The following SECISBP2L variants were observed in gnomAD, a reference collection of about 807,000 sequenced individuals.
The protein encoded by SECISBP2L is selenocysteine insertion sequence-binding protein 2-like.
In SECISBP2L, 43 loss-of-function variants were observed where a neutral mutation model predicts 114.7. The ratio of observed to expected loss-of-function variants is 0.38; its 90% CI spans 0.29 to 0.48. SECISBP2L has a LOEUF of 0.48. Among genes scored for constraint, SECISBP2L ranks in the 20% least tolerant of loss-of-function variants. The pLI is 0.98. For synonymous variants in SECISBP2L, 451 were observed against 439.7 expected (o/e 1.03, Z -0.32); for missense variants, 1,136 against 1,301.1 (o/e 0.87, Z 1.95).
At chr15:49,041,764 C>T (rs1903136131) in intron 1 of SECISBP2L, among the ~76,000 whole-genome samples, 1 of 152,164 alleles carries the variant, frequency 6.6e-6, no homozygotes, top group African/African-American at 2.4e-5. Context: ...GGAAACCCTC[C>T]ATATTCTTTC....
chr15:49,036,776 A>G (rs1903016853), intron 2 of SECISBP2L, among the ~76,000 whole-genome samples: 1 of 152,202 alleles, frequency 6.6e-6, no homozygotes, highest in African/African-American at 2.4e-5. Flanking sequence ...ATACATCCAC[A>G]ATTTCTCAAA....
intron 7 of SECISBP2L, among the ~76,000 whole-genome samples, chr15:49,024,799 C>T (rs989562158): frequency 1.3e-5 from 2 of 152,092 alleles, no homozygotes; most frequent in African/African-American, 4.8e-5. Context: ...AATCAAAAAT[C>T]AAACAAATAC....
intron 1 of SECISBP2L, among the ~76,000 whole-genome samples, chr15:49,045,396 G>T (rs1903224836): frequency 6.6e-6 from 1 of 152,186 alleles, no homozygotes; most frequent in Non-Finnish European, 1.5e-5. Flanking sequence ...CCGTCATCTA[G>T]TCATCAATGG....
Position 48,993,060 on chromosome 15 carries a change from C to T in SECISBP2L, c.2624-134G>A, listed in dbSNP as rs1902017923. On this transcript the variant is annotated intron_variant, in intron 17 of 17. Transcript: ENST00000559471. ...GCTTAGAAACTGACTGGAAAAACTACAAATTTAGTTTATTTAGTACTAGTT... is the reference window on the plus strand; with the variant it reads ...GCTTAGAAACTGACTGGAAAAACTATAAATTTAGTTTATTTAGTACTAGTT... The T allele has an allele frequency of 4.0e-6, 3 of 742,100 alleles. No homozygotes were observed. The East Asian group carries it at 8.0e-5, about 20-fold the overall frequency. 46.0% of individuals were successfully genotyped at this position (742,100 alleles called of 1,614,324 possible).
intron 4 of SECISBP2L, among the ~76,000 whole-genome samples, chr15:49,029,984 C>T (rs1323507727): frequency 6.7e-6 from 1 of 149,638 alleles, no homozygotes; most frequent in African/African-American, 2.5e-5. Context: ...CTGACTTCTG[C>T]CATTTTTCAA....
intron 15 of SECISBP2L, among the ~76,000 whole-genome samples, chr15:49,000,334 G>C (rs555185590): frequency 1.3e-5 from 2 of 152,254 alleles, no homozygotes; most frequent in East Asian, 3.9e-4. Context: ...CTCAAGAAAA[G>C]ATCTCTCACA....
At position 49,046,373 on chromosome 15, in the gene SECISBP2L, C is replaced by A; in HGVS notation, c.-74G>T. On this transcript the variant is annotated 5_prime_UTR_variant, in exon 1 of 18. Transcript: ENST00000559471. ...TCGGGCCGCTTTCTCCATGGCCCCCCGCTCGGGTCCAGACTGGGTTCCGGA... is the reference window on the plus strand; with the variant it reads ...TCGGGCCGCTTTCTCCATGGCCCCCAGCTCGGGTCCAGACTGGGTTCCGGA... 2.2e-6 allele frequency: 3 copies of A among 1,392,300 alleles called. No homozygotes were observed. The highest frequency in any genetic ancestry group is 6.0e-5 in the East Asian group (2 of 33,064). The allele number at this position is 1,392,300 out of a possible 1,614,324, so 86.2% of individuals were successfully genotyped here. A position where few individuals can be genotyped will look rare whatever the true frequency, so the allele number is the denominator to read the frequency against.
At chr15:48,997,104 T>C (rs1440408149) in intron 16 of SECISBP2L, among the ~76,000 whole-genome samples, 1 of 152,188 alleles carries the variant, frequency 6.6e-6, no homozygotes, top group African/African-American at 2.4e-5. Flanking sequence ...GCATTGGCCT[T>C]GAAAAAGGTA....
intron 13 of SECISBP2L, among the ~76,000 whole-genome samples, chr15:49,009,992 G>C: frequency 6.6e-6 from 1 of 152,044 alleles, no homozygotes; most frequent in Non-Finnish European, 1.5e-5. Flanking sequence ...AATTAGCCGG[G>C]CGTGGTGGCA....
chr15:49,011,666 CT>C, intron 13 of SECISBP2L, 64 bp downstream of exon 13: 1 of 1,569,764 alleles, frequency 6.4e-7, no homozygotes, highest in Admixed American at 1.8e-5. Flanking sequence ...CTAGTGATAG[CT>C]TACGTATCTA....
chr15:49,020,979 A>C (rs946577812), intron 7 of SECISBP2L, among the ~76,000 whole-genome samples: 1 of 152,204 alleles, frequency 6.6e-6, no homozygotes, highest in African/African-American at 2.4e-5. Context: ...TATGGACTAA[A>C]ATGTTTCCAT....
chr15:49,001,327 TC>T (rs1407980746), intron 14 of SECISBP2L, among the ~76,000 whole-genome samples: 2 of 152,230 alleles, frequency 1.3e-5, no homozygotes, highest in Non-Finnish European at 2.9e-5. Context: ...TTTTAAGTAT[TC>T]AACAAATGCT....
At chr15:49,045,663 T>C (rs886431266) in intron 1 of SECISBP2L, among the ~76,000 whole-genome samples, 2 of 152,144 alleles carry the variant, frequency 1.3e-5, no homozygotes, top group African/African-American at 4.8e-5. Flanking sequence ...GCTTATGCTT[T>C]ACACCCTTAA....
intron 16 of SECISBP2L, among the ~76,000 whole-genome samples, chr15:48,996,899 C>G (rs1902103840): frequency 6.6e-6 from 1 of 152,162 alleles, no homozygotes; most frequent in African/African-American, 2.4e-5. Context: ...ACAGAGGGTA[C>G]AAAGATGACT....
At chr15:49,017,042 G>A in intron 9 of SECISBP2L, 27 bp from the exon 10 acceptor site, 1 of 1,602,688 alleles carries the variant, frequency 6.2e-7, no homozygotes, top group Middle Eastern at 1.7e-4. Context: ...AAACACATTT[G>A]TTAGTGATCC....
intron 1 of SECISBP2L, among the ~76,000 whole-genome samples, chr15:49,041,796 T>C (rs1187901427): frequency 6.6e-6 from 1 of 152,200 alleles, no homozygotes; most frequent in Non-Finnish European, 1.5e-5. Context: ...AAAAATAGAA[T>C]ATCTCAAACT....
rs1215694949 is a variant in SECISBP2L, at chr15:48,996,479, C to T, written c.2511G>A (p.Val837=). 5 of 1,614,012 alleles carry T rather than the reference C, an allele frequency of 3.1e-6. No homozygotes were observed. In the South Asian group the frequency reaches 5.5e-5, roughly 18 times the overall value. The change falls in exon 17 of 18, where the codon GTG becomes GTA. Residue 837 remains valine, a synonymous_variant. Coordinates refer to ENST00000559471, the MANE Select transcript of SECISBP2L (RefSeq NM_001193489.2). The stretch of plus-strand genomic sequence containing the variant: ...GTCCCATGTGGTGTGGTACCTTCTT[C>T]ACATTCTTTAAGGCTTCCTCAGCCT... The part of the protein sequence containing the change: ...QEQAEEALKN[V]KKVPHHMGHS...
intron 2 of SECISBP2L, 33 bp from the exon 3 acceptor site, chr15:49,035,691 T>C (rs777143909): frequency 8.9e-6 from 14 of 1,565,376 alleles, no homozygotes; most frequent in South Asian, 4.7e-5. Flanking sequence ...AACAAATCTA[T>C]TGACAAGTCT....
In SECISBP2L at chr15:49,024,005, A is replaced by G. The variant is rs56331236; in HGVS notation, c.1035+3360T>C. Among the ~76,000 whole-genome samples the G allele has an allele frequency of 5.4e-3, 817 of 152,298 alleles. 12 individuals are homozygous for G. Among genetic ancestry groups the G allele is most frequent in the East Asian group, 0.045 (232 of 5,186 alleles). ...TACTTTTCAACCTATTCCATAAAAT[A>G]AAGCCGTTTTAAAAGATTTCAAGTT... is the stretch of plus-strand genomic sequence containing the variant. On this transcript the variant is annotated intron_variant, in intron 7 of 17. Coordinates refer to ENST00000559471, the MANE Select transcript of SECISBP2L (RefSeq NM_001193489.2).
Sources: gnomAD v4.1 joint callset for allele counts (sites outside exome capture counted in the v4.1 genomes callset) on GRCh38, gnomAD v4.1.1 for gene constraint, MANE v1.5 for transcripts, NCBI Gene and HGNC (gene_info 2026-07-23, HGNC 2026-07-21) for gene names.